Variants in R3HDM2 observed in about 807,000 individuals in gnomAD.
R3HDM2 encodes the protein R3H domain containing 2.
In R3HDM2, 38 loss-of-function variants were observed where a neutral mutation model predicts 124.5. The ratio of observed to expected loss-of-function variants is 0.31; its 90% CI spans 0.24 to 0.40. The LOEUF (loss-of-function observed/expected upper bound fraction) is 0.40. Ranked by LOEUF, R3HDM2 falls within the 10% of genes least tolerant of loss-of-function variation. The pLI is 1.00. For missense variants in R3HDM2, 869 were observed against 1,236.9 expected (o/e 0.70, Z 4.46); for synonymous variants, 391 against 448.0 (o/e 0.87, Z 1.61).
intron 14 of R3HDM2, among the ~76,000 whole-genome samples, chr12:57,273,393 C>T (rs187184577): frequency 1.1e-4 from 17 of 152,262 alleles, no homozygotes; most frequent in Admixed American, 9.8e-4. Flanking sequence ...CCTTCTTCCC[C>T]TCCAGGCATT....
intron 2 of R3HDM2, among the ~76,000 whole-genome samples, chr12:57,342,082 T>G (rs949813747): frequency 6.6e-6 from 1 of 152,200 alleles, no homozygotes; most frequent in African/African-American, 2.4e-5. Context: ...TCAGCCAAGA[T>G]AGAAAAATAT....
At chr12:57,277,637 G>T (rs563983753) in intron 14 of R3HDM2, among the ~76,000 whole-genome samples, 2 of 152,184 alleles carry the variant, frequency 1.3e-5, no homozygotes, top group South Asian at 4.1e-4. Context: ...TAGTAGAGAC[G>T]TTGTTTCACC....
intron 10 of R3HDM2, among the ~76,000 whole-genome samples, chr12:57,293,744 G>GACCTT (rs1451010504): frequency 2.0e-5 from 3 of 152,170 alleles, no homozygotes; most frequent in African/African-American, 7.2e-5. Flanking sequence ...AGCAACTAAG[G>GACCTT]AGATTGCTGC....
At chr12:57,279,651 TAAC>T (rs2045691998) in intron 14 of R3HDM2, among the ~76,000 whole-genome samples, 1 of 151,572 alleles carries the variant, frequency 6.6e-6, no homozygotes, top group Non-Finnish European at 1.5e-5. Flanking sequence ...ATAATAATAA[TAAC>T]AATACATTTT....
At chr12:57,414,505 A>ACG (rs2069365534) in intron 1 of R3HDM2, among the ~76,000 whole-genome samples, 1 of 146,728 alleles carries the variant, frequency 6.8e-6, no homozygotes, top group Non-Finnish European at 1.5e-5. Context: ...AAAAAAAAAA[A>ACG]AAAAACGAAA....
At chr12:57,320,121 G>A (rs1397669314) in intron 2 of R3HDM2, among the ~76,000 whole-genome samples, 1 of 151,410 alleles carries the variant, frequency 6.6e-6, no homozygotes. Flanking sequence ...TTAGCTGGGG[G>A]TGGTGGTGCG....
At chr12:57,325,711 ATTT>A (rs35553480) in intron 2 of R3HDM2, among the ~76,000 whole-genome samples, 3 of 142,048 alleles carry the variant, frequency 2.1e-5, no homozygotes, top group African/African-American at 7.8e-5. Context: ...TCCTTAGCTA[ATTT>A]TTTTTTTTTT....
At chr12:57,356,380 TAGAG>T (rs913100673) in intron 2 of R3HDM2, among the ~76,000 whole-genome samples, 1 of 152,238 alleles carries the variant, frequency 6.6e-6, no homozygotes, top group African/African-American at 2.4e-5. Context: ...AGTCTGTTAA[TAGAG>T]AATTACATTG....
intron 19 of R3HDM2, among the ~76,000 whole-genome samples, chr12:57,265,204 C>A (rs775760959): frequency 6.6e-6 from 1 of 152,092 alleles, no homozygotes; most frequent in Admixed American, 6.6e-5. Context: ...GTATGGGATG[C>A]GGAAAGTCAA....
At position 57,257,217 on chromosome 12, in the gene R3HDM2, A is replaced by C. The variant is rs138081325; in HGVS notation, c.2450-706T>G. ...GTATAAGCACAGTAGACAAGAGCAT[A>C]GTCGTGGAGCCAGACTGCCTGGGTT... On this transcript the variant is annotated intron_variant, in intron 21 of 23. Coordinates refer to ENST00000402412, the MANE Select transcript of R3HDM2 (RefSeq NM_001394031.1). 5.0e-3 allele frequency among the ~76,000 whole-genome samples: 757 copies of C among 152,282 alleles called. 9 individuals are homozygous for C. The highest frequency in any genetic ancestry group is 0.017 in the African/African-American group (723 of 41,546).
intron 2 of R3HDM2, among the ~76,000 whole-genome samples, chr12:57,370,200 A>G (rs1175684566): frequency 6.6e-6 from 1 of 152,082 alleles, no homozygotes; most frequent in African/African-American, 2.4e-5. Context: ...GAGTTCTCAC[A>G]AGATCTGATG....
At chr12:57,424,145 A>G (rs1259039199) in intron 1 of R3HDM2, among the ~76,000 whole-genome samples, 1 of 150,620 alleles carries the variant, frequency 6.6e-6, no homozygotes, top group East Asian at 1.9e-4. Flanking sequence ...AAAAAGGAAC[A>G]AAGAAACTGT....
At chr12:57,404,784 G>C (rs949133824) in intron 1 of R3HDM2, among the ~76,000 whole-genome samples, 2 of 152,116 alleles carry the variant, frequency 1.3e-5, no homozygotes, top group Non-Finnish European at 2.9e-5. Context: ...CTTTGAGGCT[G>C]AGGCAGGAGG....
chr12:57,386,312 G>C (rs887217051), intron 2 of R3HDM2, among the ~76,000 whole-genome samples: 39 of 152,334 alleles, frequency 2.6e-4, no homozygotes, highest in Middle Eastern at 3.4e-3. Flanking sequence ...AGGTGTGGAC[G>C]GAGAGGCACG....
At chr12:57,390,960 C>T (rs1306144778) in intron 2 of R3HDM2, among the ~76,000 whole-genome samples, 2 of 150,530 alleles carry the variant, frequency 1.3e-5, no homozygotes, top group African/African-American at 2.4e-5. Context: ...TGCAGTGAGC[C>T]GAGATCATGC....
intron 2 of R3HDM2, among the ~76,000 whole-genome samples, chr12:57,324,769 G>A (rs915733977): frequency 2.6e-5 from 4 of 152,168 alleles, no homozygotes; most frequent in Admixed American, 6.5e-5. Context: ...GATATAAGAA[G>A]TAGTGTTATG....
At chr12:57,367,423 T>G (rs1422955439) in intron 2 of R3HDM2, among the ~76,000 whole-genome samples, 1 of 152,250 alleles carries the variant, frequency 6.6e-6, no homozygotes, top group Non-Finnish European at 1.5e-5. Flanking sequence ...TTACACAGTG[T>G]AGGTTTAGGG....
At chr12:57,256,608 CT>C in intron 21 of R3HDM2, 97 bp from the exon 22 acceptor site, 1 of 836,412 alleles carries the variant, frequency 1.2e-6, no homozygotes, top group Admixed American at 3.1e-5. Context: ...ACAATGCATA[CT>C]ATTCCTAATT....
intron 3 of R3HDM2, among the ~76,000 whole-genome samples, chr12:57,308,484 A>G (rs553519552): frequency 2.8e-4 from 41 of 147,764 alleles, no homozygotes; most frequent in Admixed American, 2.6e-3. Flanking sequence ...CAGGAGTTCA[A>G]GACCAGCCTG....
Sources: gnomAD v4.1 joint callset for allele counts (sites outside exome capture counted in the v4.1 genomes callset) on GRCh38, gnomAD v4.1.1 for gene constraint, MANE v1.5 for transcripts, NCBI Gene and HGNC (gene_info 2026-07-23, HGNC 2026-07-21) for gene names.